CLASP1: variants seen among roughly 807,000 people sequenced by gnomAD.
CLASP1 encodes cytoplasmic linker associated protein 1, also known as CLIP-associating protein 1.
CLASP1 carries 38 observed loss-of-function variants against 192.3 expected under a neutral mutation model. The observed-to-expected ratio is 0.20, with a 90% CI of 0.15 to 0.26. CLASP1 has a LOEUF of 0.26. CLASP1 is among the 10% of genes least tolerant of loss of function. The pLI is 1.00. For synonymous variants in CLASP1, 691 were observed against 712.8 expected, an observed-to-expected ratio of 0.97 and a Z score of 0.49; for missense variants, 1,433 against 1,932.5, an observed-to-expected ratio of 0.74 and a Z score of 4.85.
intron 39 of CLASP1, among the ~76,000 whole-genome samples, chr2:121,344,543 CTGGTCT>C (rs1308380679): frequency 6.6e-6 from 1 of 151,968 alleles, no homozygotes; most frequent in Non-Finnish European, 1.5e-5. Context: ...GTTGGTGAGG[CTGGTCT>C]TGAACTCCTG....
chr2:121,629,467 A>C (rs2069056082), intron 1 of CLASP1, among the ~76,000 whole-genome samples: 1 of 152,124 alleles, frequency 6.6e-6, no homozygotes. Flanking sequence ...CAATCATTTT[A>C]GTGAAAAAAG....
At chr2:121,614,224 G>C (rs753201139) in intron 1 of CLASP1, among the ~76,000 whole-genome samples, 1 of 152,170 alleles carries the variant, frequency 6.6e-6, no homozygotes, top group Non-Finnish European at 1.5e-5. Context: ...AGCCGGGCGC[G>C]GTGGCTCACG....
chr2:121,404,792 A>G (rs909893932), intron 25 of CLASP1, among the ~76,000 whole-genome samples: 1 of 152,262 alleles, frequency 6.6e-6, no homozygotes, highest in Admixed American at 6.5e-5. Context: ...TGATTTACTC[A>G]AGCTAACACA....
intron 2 of CLASP1, among the ~76,000 whole-genome samples, chr2:121,593,272 A>C (rs1048148140): frequency 4.6e-5 from 7 of 152,204 alleles, no homozygotes; most frequent in Non-Finnish European, 8.8e-5. Flanking sequence ...TAATTCTTCA[A>C]AATTATTAAG....
At chr2:121,430,200 T>C (rs953962546) in intron 19 of CLASP1, 23 bp from the exon 20 acceptor site, 1 of 1,532,330 alleles carries the variant, frequency 6.5e-7, no homozygotes, top group Non-Finnish European at 8.9e-7. Context: ...GCAAAAACAG[T>C]GTTTCACAAC....
At chr2:121,501,881 C>T (rs553656614) in intron 8 of CLASP1, among the ~76,000 whole-genome samples, 5 of 152,194 alleles carry the variant, frequency 3.3e-5, no homozygotes, top group African/African-American at 4.8e-5. Flanking sequence ...TACTGGGATT[C>T]GGGGTGCAGT....
Position 121,397,124 on chromosome 2 carries a change from G to A in CLASP1, c.3123+16C>T, listed in dbSNP as rs768788372. On this transcript the variant is annotated intron_variant, in intron 30 of 39. Coordinates refer to ENST00000263710, the Ensembl canonical transcript of CLASP1. ...AGGAACAATCTGTAATTACACGTCG[G>A]TTCTCTTGGACATACCTTTCTCACG... 6.2e-7 allele frequency: 1 copy of A among 1,612,792 alleles called. No homozygotes were observed. The highest frequency in any genetic ancestry group is 2.2e-5 in the East Asian group (1 of 44,856).
rs150434139 is a variant in CLASP1, at chr2:121,571,474, C to T, written c.195+34227G>A. Among the ~76,000 whole-genome samples, 29 of 152,234 alleles carry T rather than the reference C, an allele frequency of 1.9e-4. 1 individual carries two copies. In the East Asian group the frequency reaches 5.6e-3, roughly 29 times the overall value. ...CTGCTGTGCAAGCAACGGGTTCAGA[C>T]ACACAAAGAAAAATCAAACTATGGC... On this transcript the variant is annotated intron_variant, in intron 2 of 39. Transcript: ENST00000263710.
At chr2:121,521,891 T>C (rs955453986) in intron 6 of CLASP1, among the ~76,000 whole-genome samples, 1 of 152,152 alleles carries the variant, frequency 6.6e-6, no homozygotes, top group African/African-American at 2.4e-5. Context: ...GTCATTCAAA[T>C]AGTTATGGGG....
chr2:121,407,349 C>T (rs1350595223), intron 25 of CLASP1, 122 bp downstream of exon 26: 1 of 1,121,640 alleles, frequency 8.9e-7, no homozygotes, highest in East Asian at 2.6e-5. Flanking sequence ...TGCAAGCAGA[C>T]CTCTTGGTAT....
chr2:121,474,796 G>A (rs2091394956), intron 8 of CLASP1, among the ~76,000 whole-genome samples: 1 of 152,088 alleles, frequency 6.6e-6, no homozygotes, highest in African/African-American at 2.4e-5. Context: ...TTTTTAAACC[G>A]AACTTTAGGA....
chr2:121,503,245 G>C lies in CLASP1; in HGVS notation c.645-11C>G. On this transcript the variant is annotated splice_polypyrimidine_tract_variant and intron_variant, in intron 7 of 39. Transcript: ENST00000263710. ...AAAATTACATTCAACCTGTATGAAAGAAAAATGTAAACAAACTATTAACCA... is the reference window on the plus strand; with the variant it reads ...AAAATTACATTCAACCTGTATGAAACAAAAATGTAAACAAACTATTAACCA... 1 of 1,463,230 alleles carries C rather than the reference G, an allele frequency of 6.8e-7. No homozygotes were observed. The allele number at this position is 1,463,230 out of a possible 1,614,324, so 90.6% of individuals were successfully genotyped here. A position where few individuals can be genotyped will look rare whatever the true frequency, so the allele number is the denominator to read the frequency against.
chr2:121,530,723 GA>G (rs991045200), intron 2 of CLASP1: 17 of 515,586 alleles, frequency 3.3e-5, no homozygotes, highest in South Asian at 8.9e-5. Context: ...GACCCTTCGG[GA>G]GCCTCAGAAA....
chr2:121,578,935 T>A (rs924719843), intron 2 of CLASP1, among the ~76,000 whole-genome samples: 7 of 152,268 alleles, frequency 4.6e-5, no homozygotes, highest in Middle Eastern at 3.4e-3. Context: ...ACCATAAAAT[T>A]CATCCTGTTA....
intron 9 of CLASP1, among the ~76,000 whole-genome samples, chr2:121,469,568 TC>T: frequency 6.6e-6 from 1 of 152,328 alleles, no homozygotes; most frequent in South Asian, 2.1e-4. Context: ...GGCTTCCTTC[TC>T]CTGCAGGCTC....
chr2:121,404,189 C>T (rs2076562775), intron 26 of CLASP1, 182 bp downstream of exon 27: 5 of 735,996 alleles, frequency 6.8e-6, no homozygotes. Context: ...ATTTTATGCA[C>T]ATTTAAGTTT....
chr2:121,546,699 C>T (rs930108223), intron 2 of CLASP1, among the ~76,000 whole-genome samples: 4 of 152,034 alleles, frequency 2.6e-5, no homozygotes, highest in South Asian at 2.1e-4. Flanking sequence ...GTTTCTCAGG[C>T]GCAAACAGAG....
chr2:121,561,696 T>C (rs1340486625), intron 2 of CLASP1, among the ~76,000 whole-genome samples: 3 of 152,180 alleles, frequency 2.0e-5, no homozygotes, highest in Non-Finnish European at 4.4e-5. Flanking sequence ...GAGCCAGGGG[T>C]TGGAAACCTT....
intron 28 of CLASP1, among the ~76,000 whole-genome samples, chr2:121,399,859 A>C (rs1461901155): frequency 6.6e-6 from 1 of 152,238 alleles, no homozygotes; most frequent in East Asian, 1.9e-4. Context: ...CTACAGGCCA[A>C]GTCTGGCTCA....
Sources: gnomAD v4.1 joint callset for allele counts (sites outside exome capture counted in the v4.1 genomes callset) on GRCh38, gnomAD v4.1.1 for gene constraint, MANE v1.5 for transcripts, NCBI Gene and HGNC (gene_info 2026-07-23, HGNC 2026-07-21) for gene names.